CDK14: variants seen among roughly 807,000 people sequenced by gnomAD.
The protein encoded by CDK14 is cyclin dependent kinase 14.
CDK14 carries 34 observed loss-of-function variants against 60.7 expected under a neutral mutation model. The observed-to-expected ratio is 0.56, with a 90% CI of 0.43 to 0.75. The LOEUF (loss-of-function observed/expected upper bound fraction) is 0.75. Among genes scored for constraint, CDK14 ranks in the 30% least tolerant of loss-of-function variants. The pLI, the probability that CDK14 is intolerant of heterozygous loss-of-function variation, is 0.00. For synonymous variants in CDK14, 197 were observed against 203.7 expected, an observed-to-expected ratio of 0.97 and a Z score of 0.28; for missense variants, 482 against 564.1, an observed-to-expected ratio of 0.85 and a Z score of 1.47.
intron 2 of CDK14, among the ~76,000 whole-genome samples, chr7:90,645,356 A>T (rs1382907728): frequency 1.5e-5 from 2 of 134,404 alleles, no homozygotes; most frequent in Admixed American, 1.6e-4. Flanking sequence ...TGAATGAATG[A>T]TTTCTCTTTA....
intron 10 of CDK14, among the ~76,000 whole-genome samples, chr7:91,010,871 C>T (rs1315334652): frequency 9.7e-6 from 1 of 103,362 alleles, no homozygotes; most frequent in Non-Finnish European, 1.9e-5. Flanking sequence ...CTCCCTCTCT[C>T]TCTTTCTTTT....
intron 12 of CDK14, among the ~76,000 whole-genome samples, chr7:91,087,257 T>C (rs768050742): frequency 1.4e-4 from 21 of 152,202 alleles, no homozygotes; most frequent in Non-Finnish European, 2.8e-4. Flanking sequence ...TCCTAGAGTA[T>C]TCTTATTAAC....
intron 2 of CDK14, among the ~76,000 whole-genome samples, chr7:90,612,747 G>A (rs1306236865): frequency 1.1e-4 from 15 of 140,942 alleles, no homozygotes; most frequent in Middle Eastern, 3.6e-3. Context: ...ACTCCAGCCC[G>A]GGTGACAGAG....
intron 14 of CDK14, among the ~76,000 whole-genome samples, chr7:91,202,467 A>ATGT (rs1384375488): frequency 6.6e-6 from 1 of 152,360 alleles, no homozygotes; most frequent in Non-Finnish European, 1.5e-5. Flanking sequence ...TGCATGCAAC[A>ATGT]TGTTTTAATA....
At chr7:90,810,473 A>C (rs987051251) in intron 5 of CDK14, among the ~76,000 whole-genome samples, 1 of 152,216 alleles carries the variant, frequency 6.6e-6, no homozygotes, top group Non-Finnish European at 1.5e-5. Context: ...GAGGTATCTC[A>C]AAATAATAAG....
intron 2 of CDK14, among the ~76,000 whole-genome samples, chr7:90,686,069 A>G (rs6963621): frequency 0.24 from 36,348 of 151,970 alleles, 4,501 homozygotes; most frequent in African/African-American, 0.28. Context: ...TGGACAAGTT[A>G]CTTCCTTCAA....
intron 10 of CDK14, among the ~76,000 whole-genome samples, chr7:90,987,153 G>T (rs572010148): frequency 6.6e-6 from 1 of 151,808 alleles, no homozygotes; most frequent in East Asian, 1.9e-4. Context: ...ATATCTTGTT[G>T]GATTATTTCT....
Position 90,781,973 on chromosome 7 carries a change from T to C in CDK14, c.465-8600T>C, listed in dbSNP as rs1805346580. 2.0e-5 allele frequency among the ~76,000 whole-genome samples: 3 copies of C among 152,310 alleles called. No individual in the cohort carries two copies. The East Asian group carries it at 5.8e-4, about 29-fold the overall frequency. ...GTGCAGAAAGTCATTGGTAGCTTGA[T>C]GGGAATGGTATTGAATCTATAAATT... On this transcript the variant is annotated intron_variant, in intron 4 of 14. Transcript: ENST00000380050.
intron 6 of CDK14, among the ~76,000 whole-genome samples, chr7:90,879,986 GA>G (rs1439612372): frequency 6.6e-6 from 1 of 152,190 alleles, no homozygotes; most frequent in Non-Finnish European, 1.5e-5. Flanking sequence ...TCCCACTTGT[GA>G]ACCCATGCCA....
At chr7:90,866,707 T>C (rs1289996584) in intron 6 of CDK14, among the ~76,000 whole-genome samples, 1 of 152,204 alleles carries the variant, frequency 6.6e-6, no homozygotes, top group East Asian at 1.9e-4. Context: ...CTAGTTGCTT[T>C]ATATTGTTGC....
intron 8 of CDK14, among the ~76,000 whole-genome samples, chr7:90,917,972 T>C (rs1021183358): frequency 1.3e-5 from 2 of 152,196 alleles, no homozygotes; most frequent in African/African-American, 4.8e-5. Context: ...CTTGGTAATA[T>C]ATATTTCCAA....
chr7:90,669,697 G>A (rs1801060202), intron 2 of CDK14, among the ~76,000 whole-genome samples: 1 of 152,186 alleles, frequency 6.6e-6, no homozygotes, highest in Admixed American at 6.5e-5. Flanking sequence ...ACATGAGCCT[G>A]TACATTCCTT....
At chr7:91,056,488 A>G (rs1249960363) in intron 11 of CDK14, among the ~76,000 whole-genome samples, 1 of 152,202 alleles carries the variant, frequency 6.6e-6, no homozygotes, top group Middle Eastern at 3.4e-3. Flanking sequence ...TACATGTGCC[A>G]TGTTGGTGTG....
At chr7:90,952,789 GAGAA>G (rs1451718174) in intron 8 of CDK14, among the ~76,000 whole-genome samples, 1 of 152,184 alleles carries the variant, frequency 6.6e-6, no homozygotes, top group African/African-American at 2.4e-5. Flanking sequence ...ACAAAGAACA[GAGAA>G]AGAAAGCTTT....
intron 9 of CDK14, among the ~76,000 whole-genome samples, chr7:90,983,201 TG>T (rs1246380145): frequency 6.6e-6 from 1 of 152,124 alleles, no homozygotes; most frequent in Non-Finnish European, 1.5e-5. Context: ...ATCTCATAAC[TG>T]GGTATATATC....
At chr7:91,115,484 T>C (rs903670764) in intron 13 of CDK14, among the ~76,000 whole-genome samples, 1 of 152,070 alleles carries the variant, frequency 6.6e-6, no homozygotes, top group Admixed American at 6.6e-5. Context: ...CCAAATGCCA[T>C]CACATTAGGG....
chr7:91,190,432 A>C (rs1686530695), intron 14 of CDK14, among the ~76,000 whole-genome samples: 1 of 152,202 alleles, frequency 6.6e-6, no homozygotes, highest in African/African-American at 2.4e-5. Flanking sequence ...CAAATGTTAG[A>C]AATAATATAA....
intron 7 of CDK14, among the ~76,000 whole-genome samples, chr7:90,911,363 A>G (rs1486983567): frequency 1.3e-5 from 2 of 152,222 alleles, no homozygotes; most frequent in African/African-American, 4.8e-5. Flanking sequence ...GTTTAAGATG[A>G]GAAACCTGAG....
At chr7:90,807,485 C>G (rs1788902080) in intron 5 of CDK14, among the ~76,000 whole-genome samples, 4 of 152,026 alleles carry the variant, frequency 2.6e-5, no homozygotes, top group African/African-American at 4.8e-5. Flanking sequence ...TCATCAAAGA[C>G]CAAAGGTAGA....
Sources: gnomAD v4.1 joint callset for allele counts (sites outside exome capture counted in the v4.1 genomes callset) on GRCh38, gnomAD v4.1.1 for gene constraint, MANE v1.5 for transcripts, NCBI Gene and HGNC (gene_info 2026-07-23, HGNC 2026-07-21) for gene names.